Variants in FARP1 observed in about 807,000 individuals in gnomAD.
The protein encoded by FARP1 is FERM, ARH/RhoGEF and pleckstrin domain protein 1.
A neutral mutation model predicts 128.8 loss-of-function variants in FARP1; 52 were observed. The observed-to-expected ratio is 0.40, with a 90% confidence interval of 0.32 to 0.51. The LOEUF (loss-of-function observed/expected upper bound fraction) is 0.51, where lower values mean the gene tolerates loss of function less well. Ranked by LOEUF, FARP1 falls within the 20% of genes least tolerant of loss-of-function variation. FARP1 has a pLI of 0.45. For missense variants in FARP1, 1,333 were observed against 1,367.9 expected (o/e 0.97, Z 0.40); for synonymous variants, 580 against 551.8 (o/e 1.05, Z -0.72).
chr13:98,416,017 G>A (rs373650026), intron 16 of FARP1, among the ~76,000 whole-genome samples: 1 of 152,266 alleles, frequency 6.6e-6, no homozygotes, highest in Admixed American at 6.5e-5. Context: ...ACTGCGCTGC[G>A]CAGAGAAAGC....
chr13:98,415,625 G>A lies in FARP1; in HGVS notation c.1826+3591G>A, dbSNP rs554571002. Among the ~76,000 whole-genome samples the A allele has an allele frequency of 3.4e-4, 52 of 152,318 alleles. 2 individuals carry two copies. The East Asian group carries it at 8.7e-3, about 25-fold the overall frequency. ...GCGTTGCTGCCAGTTCTGTCCCTGA[G>A]GACACACATGTACCATCATTGCCTA... On this transcript the variant is annotated intron_variant, in intron 16 of 26. Transcript: ENST00000319562.
intron 24 of FARP1, among the ~76,000 whole-genome samples, chr13:98,442,288 C>G (rs1892556314): frequency 6.6e-6 from 1 of 152,230 alleles, no homozygotes; most frequent in African/African-American, 2.4e-5. Context: ...CAGGAATGAG[C>G]CAGCAGTGCT....
At chr13:98,254,914 T>A (rs1208458758) in intron 2 of FARP1, among the ~76,000 whole-genome samples, 1 of 151,994 alleles carries the variant, frequency 6.6e-6, no homozygotes, top group Non-Finnish European at 1.5e-5. Flanking sequence ...AAAGACATAT[T>A]TACTACAAGA....
chr13:98,306,599 C>T (rs562340692), intron 2 of FARP1, among the ~76,000 whole-genome samples: 34 of 152,170 alleles, frequency 2.2e-4, no homozygotes, highest in African/African-American at 7.0e-4. Flanking sequence ...GCTGCAGCCT[C>T]GAACTCCTGG....
intron 2 of FARP1, among the ~76,000 whole-genome samples, chr13:98,256,847 A>G (rs1391279396): frequency 7.0e-6 from 1 of 141,858 alleles, no homozygotes; most frequent in East Asian, 2.0e-4. Flanking sequence ...GGCGTGAGCC[A>G]CCACACTTGG....
intron 1 of FARP1, among the ~76,000 whole-genome samples, chr13:98,163,280 GAC>G (rs1231016451): frequency 6.6e-6 from 1 of 152,022 alleles, no homozygotes; most frequent in African/African-American, 2.4e-5. Context: ...AGAACTGATG[GAC>G]ACACAGAGGG....
At chr13:98,160,478 C>T (rs1876803201) in intron 1 of FARP1, among the ~76,000 whole-genome samples, 2 of 152,054 alleles carry the variant, frequency 1.3e-5, no homozygotes, top group African/African-American at 2.4e-5. Context: ...AAAATAGCCT[C>T]GTTTCTTTAA....
At chr13:98,264,619 A>C (rs1481846185) in intron 2 of FARP1, among the ~76,000 whole-genome samples, 1 of 152,180 alleles carries the variant, frequency 6.6e-6, no homozygotes, top group Non-Finnish European at 1.5e-5. Context: ...TTAAGTGAAA[A>C]AGCAGAAGTT....
chr13:98,413,004 G>A (rs1293019824), intron 16 of FARP1, among the ~76,000 whole-genome samples: 3 of 152,238 alleles, frequency 2.0e-5, no homozygotes, highest in Admixed American at 6.5e-5. Context: ...CCCTATGTGA[G>A]GTTGTCCTGC....
chr13:98,400,356 A>G (rs1325581609), intron 13 of FARP1: 1 of 152,252 alleles, frequency 6.6e-6, no homozygotes, highest in African/African-American at 2.4e-5. Flanking sequence ...GGAAGAAACA[A>G]TGTAAATATT....
chr13:98,280,370 G>A (rs1212110124), intron 2 of FARP1, among the ~76,000 whole-genome samples: 1 of 152,052 alleles, frequency 6.6e-6, no homozygotes, highest in Non-Finnish European at 1.5e-5. Context: ...AGGCCTCGGC[G>A]GCTGCTCTCA....
intron 2 of FARP1, among the ~76,000 whole-genome samples, chr13:98,284,331 A>G (rs1414935017): frequency 6.6e-6 from 1 of 152,116 alleles, no homozygotes; most frequent in African/African-American, 2.4e-5. Context: ...CCTTCCTTCT[A>G]TGTATAAATG....
At chr13:98,390,744 A>G in intron 10 of FARP1, 68 bp from the exon 11 acceptor site, 3 of 1,191,730 alleles carry the variant, frequency 2.5e-6, no homozygotes, top group Non-Finnish European at 3.8e-6. Flanking sequence ...GCCCTGAAGC[A>G]TCATTTGTGT....
chr13:98,368,009 G>A, intron 4 of FARP1, 108 bp from the exon 5 acceptor site: 2 of 816,284 alleles, frequency 2.5e-6, no homozygotes, highest in Non-Finnish European at 3.9e-6. Context: ...ATGTGCACTT[G>A]GCAGCTTGGA....
Position 98,395,484 on chromosome 13 carries a change from A to G in FARP1, c.1414+8A>G, listed in dbSNP as rs1890491835. ...CCCCGCAGCCAAGCACAGGTCCAGC[A>G]TCCCGGGCTGCCAGAGGCAGCAGTA... On this transcript the variant is annotated splice_region_variant and intron_variant, in intron 13 of 26. Transcript: ENST00000319562. 1 of 1,568,112 alleles carries G rather than the reference A, an allele frequency of 6.4e-7. No homozygotes were observed. Among genetic ancestry groups the G allele is most frequent in the Non-Finnish European group, 8.7e-7 (1 of 1,151,628 alleles).
intron 2 of FARP1, among the ~76,000 whole-genome samples, chr13:98,236,615 A>C (rs61970172): frequency 6.6e-6 from 1 of 152,060 alleles, no homozygotes; most frequent in Non-Finnish European, 1.5e-5. Context: ...AGAAAGTGAG[A>C]TATGTCATGA....
At chr13:98,362,156 C>T (rs1362946611) in intron 3 of FARP1, among the ~76,000 whole-genome samples, 2 of 152,082 alleles carry the variant, frequency 1.3e-5, no homozygotes, top group Non-Finnish European at 2.9e-5. Flanking sequence ...CCCAGCTACC[C>T]GGGAAGCTGA....
At chr13:98,428,636 C>T (rs1187075363) in intron 17 of FARP1, among the ~76,000 whole-genome samples, 2 of 152,234 alleles carry the variant, frequency 1.3e-5, no homozygotes, top group Non-Finnish European at 2.9e-5. Context: ...TAGTCCTAGG[C>T]TGTCTCTCCA....
intron 6 of FARP1, chr13:98,382,668 GA>G (rs1383704715): frequency 6.6e-6 from 1 of 151,972 alleles, no homozygotes; most frequent in Non-Finnish European, 1.5e-5. Context: ...TGTGGATGGC[GA>G]AAATTTGGAG....
Sources: allele counts gnomAD v4.1 joint callset (sites outside exome capture counted in the v4.1 genomes callset), GRCh38; gene constraint gnomAD v4.1.1; transcripts MANE v1.5; gene names NCBI Gene and HGNC (gene_info 2026-07-23, HGNC 2026-07-21).